The following CLSTN2 variants were observed in gnomAD, a reference collection of about 807,000 sequenced individuals.
The protein encoded by CLSTN2 is calsyntenin-2.
In CLSTN2, 48 loss-of-function variants were observed where a neutral mutation model predicts 101.2. That is an observed-to-expected ratio of 0.47 (90% CI 0.38 to 0.60). CLSTN2 has a LOEUF of 0.60. CLSTN2 is among the 20% of genes least tolerant of loss of function. The pLI, the probability that CLSTN2 is intolerant of heterozygous loss-of-function variation, is 0.00. For missense variants in CLSTN2, 1,160 were observed against 1,238.2 expected, an observed-to-expected ratio of 0.94 and a Z score of 0.95; for synonymous variants, 481 against 463.6, an observed-to-expected ratio of 1.04 and a Z score of -0.48.
intron 1 of CLSTN2, among the ~76,000 whole-genome samples, chr3:140,028,375 C>T (rs2007465702): frequency 6.6e-6 from 1 of 152,204 alleles, no homozygotes; most frequent in East Asian, 1.9e-4. Context: ...GAGAAGTTGC[C>T]TGTCCCTTCA....
intron 2 of CLSTN2, among the ~76,000 whole-genome samples, chr3:140,289,330 T>G (rs1010851690): frequency 6.3e-5 from 8 of 126,088 alleles, no homozygotes; most frequent in Non-Finnish European, 1.2e-4. Flanking sequence ...GGTTTTGTGT[T>G]TTTTTTTGTT....
intron 1 of CLSTN2, among the ~76,000 whole-genome samples, chr3:140,087,339 G>A (rs1381075275): frequency 6.6e-6 from 1 of 152,190 alleles, no homozygotes; most frequent in Non-Finnish European, 1.5e-5. Context: ...CAAATGAGCT[G>A]ATTAAAGGTT....
Position 140,563,265 on chromosome 3 carries a change from T to C in CLSTN2, c.2482+62T>C. On this transcript the variant is annotated intron_variant, in intron 15 of 16. Transcript: ENST00000458420. The stretch of plus-strand genomic sequence containing the variant: ...GTCGTCATTGTGACTCAAGATTATC[T>C]ACTCAACAGACGGTTATGTTGTAGC... The C allele has an allele frequency of 3.2e-6, 5 of 1,565,696 alleles. No individual in the cohort carries two copies. The South Asian group carries it at 4.6e-5, about 14-fold the overall frequency.
At chr3:139,959,879 C>G (rs1485243905) in intron 1 of CLSTN2, among the ~76,000 whole-genome samples, 1 of 152,146 alleles carries the variant, frequency 6.6e-6, no homozygotes, top group East Asian at 1.9e-4. Flanking sequence ...TCTTATCCCA[C>G]AAACCAAAAT....
intron 2 of CLSTN2, among the ~76,000 whole-genome samples, chr3:140,344,065 C>T (rs901003944): frequency 2.0e-5 from 3 of 152,204 alleles, no homozygotes; most frequent in Non-Finnish European, 4.4e-5. Context: ...CTTGTTTCTT[C>T]TCCAGCGTCC....
chr3:140,013,520 G>T (rs78183510), intron 1 of CLSTN2, among the ~76,000 whole-genome samples: 6,345 of 152,246 alleles, frequency 0.042, 174 homozygotes, highest in Non-Finnish European at 0.063. Context: ...AAGGCCGTTT[G>T]GGTGCCAAAT....
chr3:140,012,832 G>A (rs534678486), intron 1 of CLSTN2, among the ~76,000 whole-genome samples: 107 of 152,334 alleles, frequency 7.0e-4, no homozygotes, highest in Non-Finnish European at 1.2e-3. Flanking sequence ...CAGAAAGCAG[G>A]AGGGACTTTA....
chr3:139,987,598 A>G (rs1268640794), intron 1 of CLSTN2, among the ~76,000 whole-genome samples: 1 of 152,228 alleles, frequency 6.6e-6, no homozygotes, highest in East Asian at 1.9e-4. Context: ...TAAATAAAAA[A>G]GTAAGAGCAC....
At chr3:140,220,062 C>T (rs72988158) in intron 2 of CLSTN2, among the ~76,000 whole-genome samples, 7,504 of 152,314 alleles carry the variant, frequency 0.049, 231 homozygotes, top group African/African-American at 0.083. Flanking sequence ...TCTAGACAGG[C>T]TCTGGATGCT....
At chr3:139,998,735 A>G (rs1301991086) in intron 1 of CLSTN2, among the ~76,000 whole-genome samples, 1 of 152,094 alleles carries the variant, frequency 6.6e-6, no homozygotes, top group Non-Finnish European at 1.5e-5. Context: ...AATCAAGACC[A>G]GGGCAGGACA....
At chr3:140,240,422 G>C (rs1420826373) in intron 2 of CLSTN2, among the ~76,000 whole-genome samples, 2 of 151,090 alleles carry the variant, frequency 1.3e-5, no homozygotes, top group African/African-American at 2.4e-5. Context: ...ATGACATTTG[G>C]AAAGAGAAGA....
rs1485958664 is a variant in CLSTN2, at chr3:140,495,406, A to G, written c.1344+28675A>G. On this transcript the variant is annotated intron_variant, in intron 8 of 16. Coordinates refer to ENST00000458420, the MANE Select transcript of CLSTN2 (RefSeq NM_022131.3). ...GATTGCAAAAATGTTCTCCCATTCT[A>G]TAGGTTGTCTGTTCACTCTGATGAT... Among the ~76,000 whole-genome samples the G allele has an allele frequency of 2.6e-5, 4 of 152,132 alleles. No individual in the cohort carries two copies. In the East Asian group the frequency reaches 5.8e-4, roughly 22 times the overall value.
At chr3:140,467,237 G>A (rs548613561) in intron 8 of CLSTN2, among the ~76,000 whole-genome samples, 25 of 152,234 alleles carry the variant, frequency 1.6e-4, no homozygotes, top group East Asian at 1.4e-3. Context: ...CCAGAGCCTC[G>A]TGACTTTTGA....
At chr3:140,023,025 C>T (rs907125982) in intron 1 of CLSTN2, among the ~76,000 whole-genome samples, 3 of 152,204 alleles carry the variant, frequency 2.0e-5, no homozygotes, top group African/African-American at 7.2e-5. Flanking sequence ...CGTTCCTCTG[C>T]TCTTCTTTGG....
chr3:140,104,439 G>A lies in CLSTN2; in HGVS notation c.110-71512G>A, dbSNP rs541289142. Among the ~76,000 whole-genome samples the A allele has an allele frequency of 2.6e-5, 4 of 152,304 alleles. No individual in the cohort carries two copies. The South Asian group carries it at 8.3e-4, about 32-fold the overall frequency. On this transcript the variant is annotated intron_variant, in intron 1 of 16. Transcript: ENST00000458420. ...TTTGGTGCCAACTAAGCAATGCTCG[G>A]CTAAGAGGAGCTCCTAGTTTTCTTG...
chr3:139,938,314 C>A (rs1454228842), intron 1 of CLSTN2, among the ~76,000 whole-genome samples: 1 of 152,196 alleles, frequency 6.6e-6, no homozygotes, highest in Non-Finnish European at 1.5e-5. Flanking sequence ...GTGCTCCCAG[C>A]TTCAGTCTTG....
At chr3:140,139,744 G>T (rs1325484823) in intron 1 of CLSTN2, among the ~76,000 whole-genome samples, 2 of 152,244 alleles carry the variant, frequency 1.3e-5, no homozygotes, top group East Asian at 3.8e-4. Context: ...ATTACTCTGT[G>T]TAACAGCAAC....
intron 1 of CLSTN2, among the ~76,000 whole-genome samples, chr3:140,026,923 C>A (rs1230497280): frequency 2.0e-5 from 3 of 152,220 alleles, no homozygotes; most frequent in Non-Finnish European, 4.4e-5. Context: ...AGAGTGACTG[C>A]AGGAGCTCTG....
At chr3:140,241,843 A>G (rs2086470430) in intron 2 of CLSTN2, among the ~76,000 whole-genome samples, 1 of 146,572 alleles carries the variant, frequency 6.8e-6, no homozygotes, top group Non-Finnish European at 1.5e-5. Context: ...ATATATATAT[A>G]CATATATATA....
Sources: gnomAD v4.1 joint callset for allele counts (sites outside exome capture counted in the v4.1 genomes callset) on GRCh38, gnomAD v4.1.1 for gene constraint, MANE v1.5 for transcripts, NCBI Gene and HGNC (gene_info 2026-07-23, HGNC 2026-07-21) for gene names.